MKI67: variants seen among roughly 807,000 people sequenced by gnomAD.
The protein encoded by MKI67 is proliferation marker protein Ki-67.
MKI67 carries 152 observed loss-of-function variants against 233.5 expected under a neutral mutation model. The observed-to-expected ratio is 0.65, with a 90% CI of 0.57 to 0.74. MKI67 has a LOEUF of 0.74. Ranked by LOEUF, MKI67 falls within the 30% of genes least tolerant of loss-of-function variation. MKI67 has a pLI of 0.00. For synonymous variants in MKI67, 1,465 were observed against 1,418.5 expected (o/e 1.03, Z -0.74); for missense variants, 3,940 against 3,885.2 (o/e 1.01, Z -0.37).
intron 8 of MKI67, among the ~76,000 whole-genome samples, chr10:128,112,923 G>A (rs1286515616): frequency 4.6e-5 from 7 of 152,202 alleles, no homozygotes; most frequent in Admixed American, 3.9e-4. Flanking sequence ...CCAGAGGTGT[G>A]AAACCCAGGA....
chr10:128,125,942 T>C lies in MKI67; in HGVS notation c.-90+157A>G, dbSNP rs1330660117. ...GGGTGTTGTCGCCAGCGCCTGCGCC[T>C]CCTGGGAGCTTCCACCGAGACGCCC... On this transcript the variant is annotated intron_variant, in intron 1 of 14. Coordinates refer to ENST00000368654, the MANE Select transcript of MKI67 (RefSeq NM_002417.5). The surrounding 1 kb of genome is among the most constrained non-coding windows in gnomAD (Gnocchi z 5.3). Among the ~76,000 whole-genome samples, 1 of 137,742 alleles carries C rather than the reference T, an allele frequency of 7.3e-6. No homozygotes were observed. 90.4% of individuals were successfully genotyped at this position (137,742 alleles called of 152,430 possible).
At chr10:128,121,347 T>G (rs1371413446) in intron 4 of MKI67, among the ~76,000 whole-genome samples, 21 of 145,132 alleles carry the variant, frequency 1.4e-4, no homozygotes, top group Non-Finnish European at 4.5e-5. Context: ...TGTATATATA[T>G]TACATATTAT....
At position 128,104,031 on chromosome 10, in the gene MKI67, G is replaced by C; in HGVS notation, c.7809C>G (p.Cys2603Trp). 1 of 1,613,968 alleles carries C rather than the reference G, an allele frequency of 6.2e-7. No individual in the cohort carries two copies. Among genetic ancestry groups the C allele is most frequent in the African/African-American group, 1.3e-5 (1 of 74,970 alleles). The change falls in exon 13 of 15, where the codon TGC (cysteine) becomes TGG (tryptophan). Residue 2603 changes from cysteine (C) to tryptophan (W), a missense_variant. Coordinates refer to ENST00000368654, the MANE Select transcript of MKI67 (RefSeq NM_002417.5). Reference protein sequence around the residue: ...LTDTATSTKRCPKTRPRKEVK... With the variant: ...LTDTATSTKRWPKTRPRKEVK... ...CTTCTTTCCTGGGACGTGTCTTGGG[G>C]CATCTCTTTGTGCTCGTGGCAGTGT...
chr10:128,122,813 AC>A, intron 4 of MKI67, 67 bp downstream of exon 4: 1 of 730,370 alleles, frequency 1.4e-6, no homozygotes. Context: ...ATGACAGTTG[AC>A]TTTGACACTA....
Position 128,107,160 on chromosome 10 carries a change from C to T in MKI67, c.4680G>A (p.Gln1560=). Residue 1560 remains glutamine (Q), a synonymous_variant, in exon 13 of 15, where the codon CAG becomes CAA. Transcript: ENST00000368654. ...NIYAFMGTPV[Q]KLDLTENLTG... ...TTAAGTTCTCTGTCAGGTCCAGTTT[C>T]TGCACTGGAGTTCCCATAAATGCGT... is the stretch of plus-strand genomic sequence containing the variant. The T allele has an allele frequency of 6.2e-7, 1 of 1,613,910 alleles. No individual in the cohort carries two copies. Among genetic ancestry groups the T allele is most frequent in the Non-Finnish European group, 8.5e-7 (1 of 1,179,988 alleles).
chr10:128,109,215 T>C lies in MKI67; in HGVS notation c.2625A>G (p.Ser875=), dbSNP rs201554618. The change falls in exon 13 of 15, where the codon TCA becomes TCG. Residue 875 remains serine, a synonymous_variant. Transcript: ENST00000368654. ...PSKTVSTANR[S]GRSTEFRNIQ... ...TATTCCTGAACTCTGTAGACCTTCC[T>C]GACCTGTTTGCAGTGGATACTGTTT... is the stretch of plus-strand genomic sequence containing the variant. 138 of 1,614,106 alleles carry C rather than the reference T, an allele frequency of 8.5e-5. 1 individual carries two copies. The highest frequency in any genetic ancestry group is 3.4e-4 in the South Asian group (31 of 91,088).
Position 128,106,113 on chromosome 10 carries a change from T to A in MKI67, c.5727A>T (p.Ala1909=). 1 of 1,614,174 alleles carries A rather than the reference T, an allele frequency of 6.2e-7. No homozygotes were observed. The highest frequency in any genetic ancestry group is 8.5e-7 in the Non-Finnish European group (1 of 1,180,046). The change falls in exon 13 of 15, where the codon GCA becomes GCT. Residue 1909 remains alanine (A), a synonymous_variant. Coordinates refer to ENST00000368654, the MANE Select transcript of MKI67 (RefSeq NM_002417.5). The stretch of plus-strand genomic sequence containing the variant: ...TGATGTCTTTCTCTTCACCTACTGC[T>A]GCTTTAGGCGTGTGCATGGCTTTGC... ...SAGKAMHTPK[A]AVGEEKDINT... is the part of the protein sequence containing the mutation.
intron 11 of MKI67, 185 bp downstream of exon 11, chr10:128,111,458 CAG>C: frequency 1.8e-6 from 1 of 554,968 alleles, no homozygotes; most frequent in Non-Finnish European, 3.1e-6. Flanking sequence ...CAAAAATTAG[CAG>C]AGACTTGTCT....
rs1852580482 is a variant in MKI67, at chr10:128,108,474, C to G, written c.3366G>C (p.Glu1122Asp). Residue 1122 changes from glutamate (E) to aspartate (D), a missense_variant, in exon 13 of 15, where the codon GAG (glutamate) becomes GAC (aspartate). Coordinates refer to ENST00000368654, the MANE Select transcript of MKI67 (RefSeq NM_002417.5). ...PGPSEESMTDEKTTKIACKSP... is the reference protein window; with the variant it reads ...PGPSEESMTDDKTTKIACKSP... ...ATTTGCAGGCTATTTTGGTAGTTTTCTCATCAGTCATTGATTCCTCAGAGG... is the reference window on the plus strand; with the variant it reads ...ATTTGCAGGCTATTTTGGTAGTTTTGTCATCAGTCATTGATTCCTCAGAGG... 1 of 1,613,450 alleles carries G rather than the reference C, an allele frequency of 6.2e-7. No individual in the cohort carries two copies. The highest frequency in any genetic ancestry group is 1.1e-5 in the South Asian group (1 of 91,042).
rs766919053 is a variant in MKI67 at position 128,103,660 on chromosome 10, C to T, written c.8180G>A (p.Arg2727His). 9.3e-6 allele frequency: 15 copies of T among 1,614,018 alleles called. No homozygotes were observed. The South Asian group carries it at 1.5e-4, about 17-fold the overall frequency. The change falls in exon 13 of 15, where the codon CGT becomes CAT. Residue 2727 changes from arginine to histidine, a missense_variant. By Grantham distance (29) the Arg-to-His change is conservative. Transcript: ENST00000368654. ...TTCTTTTACTTGTACCTTCTGCACA[C>T]GTGTCCTGAGATGCCTCTTTGTGCT... ...TASTKRHLRTRVQKVQVKEEP... is the reference protein window; with the variant it reads ...TASTKRHLRTHVQKVQVKEEP...
chr10:128,102,744 C>G lies in MKI67; in HGVS notation c.9096G>C (p.Arg3032Ser), dbSNP rs141364275. The change falls in exon 13 of 15, where the codon AGG (arginine) becomes AGC (serine). Residue 3032 changes from arginine to serine, a missense_variant. Coordinates refer to ENST00000368654, the MANE Select transcript of MKI67 (RefSeq NM_002417.5). The stretch of plus-strand genomic sequence containing the variant: ...ATTTGCCTCTTGCCCTGGGAGCAAC[C>G]CTCTGCTTCTTGCTGGCTGGCAGCT... ...VEELPASKKQRVAPRARGKSS... is the reference protein window; with the variant it reads ...VEELPASKKQSVAPRARGKSS... 1 of 1,614,076 alleles carries G rather than the reference C, an allele frequency of 6.2e-7. No individual in the cohort carries two copies. The highest frequency in any genetic ancestry group is 8.5e-7 in the Non-Finnish European group (1 of 1,180,048).
chr10:128,116,349 G>A lies in MKI67; in HGVS notation c.400+142C>T, dbSNP rs568738146. On this transcript the variant is annotated intron_variant, in intron 6 of 14. Transcript: ENST00000368654. ...AGGGAAAGTTAGGCATCTGTCTGTC[G>A]TTGACATGTTAAATGACACCTCCTC... 2.8e-4 allele frequency: 214 copies of A among 762,008 alleles called. No homozygotes were observed. The African/African-American group carries it at 3.0e-3, about 11-fold the overall frequency. The allele number at this position is 762,008 out of a possible 1,614,324, so 47.2% of individuals were successfully genotyped here.
chr10:128,107,411 G>C lies in MKI67; in HGVS notation c.4429C>G (p.Pro1477Ala). The change falls in exon 13 of 15, where the codon CCA becomes GCA. Residue 1477 changes from proline to alanine, a missense_variant. Pro to Ala is a conservative substitution (Grantham distance 27, BLOSUM62 -1). Transcript: ENST00000368654. ...GTCGTGGGCTTGTCAGTGCATACTG[G>C]TGTCTGGAAGAGCTCTTTCAAGCCA... ...LAGLKELFQT[P>A]VCTDKPTTHE... 1 of 1,613,958 alleles carries C rather than the reference G, an allele frequency of 6.2e-7. No individual in the cohort carries two copies. Among genetic ancestry groups the C allele is most frequent in the South Asian group, 1.1e-5 (1 of 91,064 alleles).
At chr10:128,101,148 G>C in intron 14 of MKI67, 110 bp downstream of exon 14, 3 of 982,014 alleles carry the variant, frequency 3.1e-6, no homozygotes, top group Non-Finnish European at 4.5e-6. Flanking sequence ...ACTGGGAGCT[G>C]GCAGAGTGCT....
chr10:128,117,354 C>T (rs34046049), intron 5 of MKI67, among the ~76,000 whole-genome samples: 5,339 of 152,264 alleles, frequency 0.035, 156 homozygotes, highest in Admixed American at 0.089. Context: ...CCTAGATTCA[C>T]CCTAGGTAAA....
At chr10:128,112,822 G>A (rs757331371) in intron 8 of MKI67, among the ~76,000 whole-genome samples, 9 of 152,160 alleles carry the variant, frequency 5.9e-5, no homozygotes, top group Non-Finnish European at 1.0e-4. Flanking sequence ...AAGGGAGCCA[G>A]ACATCACTTT....
chr10:128,104,966 G>A lies in MKI67; in HGVS notation c.6874C>T (p.Leu2292=), dbSNP rs374214144. The A allele has an allele frequency of 5.0e-6, 8 of 1,613,404 alleles. No individual in the cohort carries two copies. Among genetic ancestry groups the A allele is most frequent in the African/African-American group, 2.7e-5 (2 of 74,658 alleles). The part of the protein sequence containing the change: ...FMGTPVQKLD[L]PGNLPGSKRW... ...TTGCTGCCAGGTAAATTTCCTGGCA[G>A]GTCCAATTTCTGCACTGGAGTTCCC... The change falls in exon 13 of 15, where the codon CTG becomes TTG. Residue 2292 remains leucine, a synonymous_variant. Coordinates refer to ENST00000368654, the MANE Select transcript of MKI67 (RefSeq NM_002417.5).
Position 128,108,562 on chromosome 10 carries a change from T to C in MKI67, c.3278A>G (p.Lys1093Arg). The change falls in exon 13 of 15, where the codon AAG becomes AGG. Residue 1093 changes from lysine to arginine, a missense_variant. Transcript: ENST00000368654. ...GTCTTCTAGTGACTGGGCCTCTTCC[T>C]TAGGCGTTCTTGGCCACTTCTTCAT... is the stretch of plus-strand genomic sequence containing the variant. ...TGMKKWPRTP[K>R]EEAQSLEDLA... 12 of 1,614,200 alleles carry C rather than the reference T, an allele frequency of 7.4e-6. No homozygotes were observed. The highest frequency in any genetic ancestry group is 1.0e-5 in the Non-Finnish European group (12 of 1,180,038).
At position 128,121,106 on chromosome 10, in the gene MKI67, A is replaced by T. The variant is rs148824214; in HGVS notation, c.287+1775T>A. ...TAAGCAGAAAAGAAAGCACTACTAA[A>T]AACAGAGGACATCTCTAAATGACAG... On this transcript the variant is annotated intron_variant, in intron 4 of 14. Transcript: ENST00000368654. Among the ~76,000 whole-genome samples, 679 of 152,084 alleles carry T rather than the reference A, an allele frequency of 4.5e-3. 1 individual carries two copies. Among genetic ancestry groups the T allele is most frequent in the Non-Finnish European group, 7.7e-3 (524 of 67,974 alleles).
Sources: allele counts gnomAD v4.1 joint callset (sites outside exome capture counted in the v4.1 genomes callset), GRCh38; gene constraint gnomAD v4.1.1; non-coding constraint Gnocchi (gnomAD v3.1); transcripts MANE v1.5; gene names NCBI Gene and HGNC (gene_info 2026-07-23, HGNC 2026-07-21).